The following CEP128 variants were observed in gnomAD, a reference collection of about 807,000 sequenced individuals.
CEP128 encodes the protein centrosomal protein 128, also known as centrosomal protein 128kDa.
CEP128 carries 132 observed loss-of-function variants against 156.7 expected under a neutral mutation model. That is an observed-to-expected ratio of 0.84 (90% CI 0.73 to 0.97). CEP128 has a LOEUF of 0.97. Ranked by LOEUF, CEP128 falls within the 50% of genes least tolerant of loss-of-function variation. The pLI is 0.00. For synonymous variants in CEP128, 469 were observed against 448.9 expected, an observed-to-expected ratio of 1.04 and a Z score of -0.57; for missense variants, 1,252 against 1,281.9, an observed-to-expected ratio of 0.98 and a Z score of 0.36.
intron 20 of CEP128, among the ~76,000 whole-genome samples, chr14:80,574,538 T>G (rs906605006): frequency 1.3e-5 from 2 of 152,190 alleles, no homozygotes; most frequent in East Asian, 1.9e-4. Context: ...AGGAGGGTAA[T>G]TTATTTGCTA....
intron 13 of CEP128, among the ~76,000 whole-genome samples, chr14:80,828,522 G>T (rs1256100038): frequency 1.3e-5 from 2 of 152,280 alleles, no homozygotes; most frequent in East Asian, 3.9e-4. Flanking sequence ...GGATTATTCA[G>T]AAAGAAGAAG....
chr14:80,594,457 C>A (rs966751346), intron 19 of CEP128, among the ~76,000 whole-genome samples: 22 of 152,182 alleles, frequency 1.4e-4, no homozygotes, highest in African/African-American at 4.3e-4. Context: ...GCAACAAAAG[C>A]CAAAATTGAT....
intron 18 of CEP128, among the ~76,000 whole-genome samples, chr14:80,752,916 A>G (rs1270567434): frequency 1.3e-5 from 2 of 152,224 alleles, no homozygotes; most frequent in Non-Finnish European, 2.9e-5. Flanking sequence ...AGAATATACT[A>G]TACTATAAAA....
chr14:80,914,364 T>C lies in CEP128; in HGVS notation c.192A>G (p.Arg64=). 1 of 1,614,038 alleles carries C rather than the reference T, an allele frequency of 6.2e-7. No individual in the cohort carries two copies. Among genetic ancestry groups the C allele is most frequent in the Non-Finnish European group, 8.5e-7 (1 of 1,179,920 alleles). Residue 64 remains arginine, a synonymous_variant, in exon 4 of 25, where the codon CGA becomes CGG. Transcript: ENST00000555265. ...CCTGTCCATTACTGTATTCTCGGTA[T>C]CGTCCAAGCATCTGGTCCACTTGTC... ...NLRQVDQMLG[R]YREYSNGQAG...
intron 13 of CEP128, among the ~76,000 whole-genome samples, chr14:80,798,648 AT>A (rs1369919382): frequency 9.9e-5 from 15 of 152,228 alleles, no homozygotes; most frequent in African/African-American, 3.6e-4. Context: ...GTAAAACTTT[AT>A]TTCAGCGTAG....
chr14:80,672,523 T>C (rs1895885404), intron 19 of CEP128, among the ~76,000 whole-genome samples: 1 of 152,192 alleles, frequency 6.6e-6, no homozygotes, highest in Non-Finnish European at 1.5e-5. Context: ...CATGTGTGCA[T>C]GTGTGTGTAG....
intron 23 of CEP128, among the ~76,000 whole-genome samples, chr14:80,508,341 A>C (rs1343397251): frequency 6.6e-6 from 1 of 152,220 alleles, no homozygotes; most frequent in Non-Finnish European, 1.5e-5. Flanking sequence ...TATTCAACAA[A>C]TATTTTAAAA....
intron 19 of CEP128, among the ~76,000 whole-genome samples, chr14:80,653,957 A>AGT (rs1188210708): frequency 6.6e-6 from 1 of 152,078 alleles, no homozygotes; most frequent in African/African-American, 2.4e-5. Context: ...ATATGTGTGC[A>AGT]GTGTGTGTGT....
rs187473768 is a variant in CEP128, at chr14:80,636,674, T to C, written c.2807-56251A>G. On this transcript the variant is annotated intron_variant, in intron 19 of 24. Transcript: ENST00000555265. ...ATCAAGATGTTTCTCACCATTTCCATTACTATTGTCCCCAGCTAATATTAT... is the reference window on the plus strand; with the variant it reads ...ATCAAGATGTTTCTCACCATTTCCACTACTATTGTCCCCAGCTAATATTAT... Among the ~76,000 whole-genome samples, 847 of 152,298 alleles carry C rather than the reference T, an allele frequency of 5.6e-3. 11 individuals are homozygous for C. The highest frequency in any genetic ancestry group is 7.1e-3 in the Non-Finnish European group (486 of 68,010).
intron 19 of CEP128, among the ~76,000 whole-genome samples, chr14:80,666,392 T>C (rs1376013740): frequency 1.3e-5 from 2 of 152,180 alleles, no homozygotes; most frequent in Non-Finnish European, 1.5e-5. Context: ...CAGGCCTTCC[T>C]AATGTCTGCC....
At chr14:80,550,262 G>C (rs763992506) in intron 21 of CEP128, among the ~76,000 whole-genome samples, 1 of 152,092 alleles carries the variant, frequency 6.6e-6, no homozygotes, top group South Asian at 2.1e-4. Flanking sequence ...ATTAAATGCC[G>C]ACTAATTGCA....
intron 24 of CEP128, 137 bp from the exon 25 acceptor site, chr14:80,497,719 C>A: frequency 1.6e-6 from 1 of 637,456 alleles, no homozygotes. Flanking sequence ...CATGGACTAA[C>A]AGACCTCCAA....
At chr14:80,684,590 T>C (rs1397162552) in intron 19 of CEP128, among the ~76,000 whole-genome samples, 2 of 151,756 alleles carry the variant, frequency 1.3e-5, no homozygotes, top group Non-Finnish European at 2.9e-5. Context: ...TCCTAATGCA[T>C]TCTACAAAGC....
chr14:80,527,445 A>AG (rs1408063075), intron 22 of CEP128, among the ~76,000 whole-genome samples: 1 of 152,062 alleles, frequency 6.6e-6, no homozygotes, highest in East Asian at 1.9e-4. Flanking sequence ...AAAAAAAAAA[A>AG]AGAACAAGAA....
At chr14:80,555,747 G>A (rs1241413550) in intron 21 of CEP128, among the ~76,000 whole-genome samples, 1 of 151,902 alleles carries the variant, frequency 6.6e-6, no homozygotes, top group Non-Finnish European at 1.5e-5. Context: ...ATAAATTTAA[G>A]CTCCTCTTCA....
chr14:80,942,964 C>A (rs1594875877), upstream of CEP128, among the ~76,000 whole-genome samples: 1 of 152,102 alleles, frequency 6.6e-6, no homozygotes, highest in Admixed American at 6.5e-5. Flanking sequence ...TAAAATAATT[C>A]TTCCAAAGAC....
At chr14:80,486,972 G>A (rs1294509805), downstream of CEP128, among the ~76,000 whole-genome samples, 6 of 152,162 alleles carry the variant, frequency 3.9e-5, no homozygotes, top group Middle Eastern at 3.4e-3. Context: ...ATCAACTAAC[G>A]AGCAAAATAA....
rs141175589 is a variant in CEP128, at chr14:80,484,809, G to A, written c.*311-6402C>T. On this transcript the variant is annotated intron_variant and NMD_transcript_variant, in intron 14 of 14. Transcript: ENST00000554502. The stretch of plus-strand genomic sequence containing the variant: ...CAAGAAGAGAAATAGACACTGGAAA[G>A]GTATTGAACATTTAGCCTGAACATC... Among the ~76,000 whole-genome samples the A allele has an allele frequency of 2.6e-3, 396 of 151,708 alleles. 4 individuals carry two copies. The highest frequency in any genetic ancestry group is 9.0e-3 in the African/African-American group (370 of 41,014).
intron 16 of CEP128, among the ~76,000 whole-genome samples, chr14:80,767,508 T>C (rs973943693): frequency 6.6e-6 from 1 of 152,094 alleles, no homozygotes; most frequent in Non-Finnish European, 1.5e-5. Flanking sequence ...AAAATCTCCG[T>C]GGATTTACCC....
Sources: allele counts gnomAD v4.1 joint callset (sites outside exome capture counted in the v4.1 genomes callset), GRCh38; gene constraint gnomAD v4.1.1; transcripts MANE v1.5; gene names NCBI Gene and HGNC (gene_info 2026-07-23, HGNC 2026-07-21).